Variants in TENM2 observed in about 807,000 individuals in gnomAD.
TENM2 encodes teneurin-2.
A neutral mutation model predicts 245.2 loss-of-function variants in TENM2; 52 were observed. The observed-to-expected ratio is 0.21, with a 90% CI of 0.17 to 0.27. The LOEUF (loss-of-function observed/expected upper bound fraction) is 0.27, where lower values mean the gene tolerates loss of function less well. Among genes scored for constraint, TENM2 ranks in the 10% least tolerant of loss-of-function variants. The probability of loss-of-function intolerance (pLI) is 1.00; values close to 1 mark genes in which losing one functional copy is unlikely to be tolerated. For synonymous variants in TENM2, 1,363 were observed against 1,438.9 expected (o/e 0.95, Z 1.19); for missense variants, 3,046 against 3,666.8 (o/e 0.83, Z 4.37).
intron 2 of TENM2, among the ~76,000 whole-genome samples, chr5:167,742,403 A>G (rs886130330): frequency 4.6e-5 from 7 of 151,642 alleles, no homozygotes; most frequent in Non-Finnish European, 1.0e-4. Context: ...ACAGGCTTAA[A>G]GTCAGAAAAC....
At chr5:167,886,080 C>G (rs1198103286) in intron 3 of TENM2, among the ~76,000 whole-genome samples, 2 of 152,178 alleles carry the variant, frequency 1.3e-5, no homozygotes, top group Non-Finnish European at 2.9e-5. Context: ...TGTTTGGCCA[C>G]AGTGTGCTCC....
intron 9 of TENM2, among the ~76,000 whole-genome samples, chr5:168,105,412 A>T (rs1005787907): frequency 1.3e-5 from 2 of 152,156 alleles, no homozygotes; most frequent in Non-Finnish European, 2.9e-5. Flanking sequence ...ATGTCAGTAG[A>T]TCACAGTCAG....
At chr5:167,977,504 C>T (rs1782530787) in intron 4 of TENM2, among the ~76,000 whole-genome samples, 1 of 152,016 alleles carries the variant, frequency 6.6e-6, no homozygotes, top group African/African-American at 2.4e-5. Context: ...AATATAAACC[C>T]CACTAGGCTC....
At chr5:167,772,944 C>T (rs1763499937) in intron 2 of TENM2, among the ~76,000 whole-genome samples, 1 of 152,130 alleles carries the variant, frequency 6.6e-6, no homozygotes, top group Non-Finnish European at 1.5e-5. Context: ...CCAGAAATGG[C>T]TCAACCAAAC....
intron 3 of TENM2, among the ~76,000 whole-genome samples, chr5:167,903,176 G>A (rs1775841182): frequency 6.6e-6 from 1 of 152,246 alleles, no homozygotes; most frequent in African/African-American, 2.4e-5. Context: ...CAAGAAAAGA[G>A]TAAATCTTAT....
chr5:167,664,373 C>T (rs1755437228), intron 2 of TENM2, among the ~76,000 whole-genome samples: 1 of 152,158 alleles, frequency 6.6e-6, no homozygotes, highest in South Asian at 2.1e-4. Context: ...AAACTTTTTT[C>T]AGTACAATCT....
chr5:167,710,460 A>G (rs919163381), intron 2 of TENM2, among the ~76,000 whole-genome samples: 1 of 152,220 alleles, frequency 6.6e-6, no homozygotes, highest in Non-Finnish European at 1.5e-5. Flanking sequence ...AAGTCTTCCC[A>G]GAGGAACAAG....
chr5:167,147,183 G>C, the TENM2 span, among the ~76,000 whole-genome samples: 1 of 152,108 alleles, frequency 6.6e-6, no homozygotes, highest in African/African-American at 2.4e-5. Context: ...AGATTAGATC[G>C]TATAGGGAAA....
At chr5:167,872,296 T>TAGAAAGAAAGAAAGAAAGAA (rs56684638) in intron 2 of TENM2, among the ~76,000 whole-genome samples, 5 of 104,528 alleles carry the variant, frequency 4.8e-5, no homozygotes, top group Non-Finnish European at 5.3e-5. Context: ...AAGAGAAAGA[T>TAGAAAGAAAGAAAGAAAGAA]AGAAAGAAAG....
chr5:167,260,874 C>G, the TENM2 span, among the ~76,000 whole-genome samples: 1 of 152,174 alleles, frequency 6.6e-6, no homozygotes, highest in Non-Finnish European at 1.5e-5. Flanking sequence ...AAAGACAACA[C>G]TGATAATGAC....
At chr5:167,266,006 A>G in the TENM2 span, among the ~76,000 whole-genome samples, 1 of 152,144 alleles carries the variant, frequency 6.6e-6, no homozygotes, top group Admixed American at 6.6e-5. Context: ...CATATTTTCT[A>G]CCACTTTGGA....
intron 2 of TENM2, among the ~76,000 whole-genome samples, chr5:167,383,147 T>C (rs1761192303): frequency 6.6e-6 from 1 of 152,060 alleles, no homozygotes; most frequent in South Asian, 2.1e-4. Context: ...AGGTGCTTTG[T>C]TGGGAAGAGG....
At chr5:167,455,838 G>C (rs1440931365) in intron 2 of TENM2, among the ~76,000 whole-genome samples, 1 of 152,080 alleles carries the variant, frequency 6.6e-6, no homozygotes, top group Non-Finnish European at 1.5e-5. Flanking sequence ...GCTGCTCTTA[G>C]CTGCACCTTG....
the TENM2 span, among the ~76,000 whole-genome samples, chr5:167,107,441 G>A: frequency 3.3e-5 from 5 of 152,346 alleles, no homozygotes; most frequent in South Asian, 4.1e-4. Flanking sequence ...TGGATCCTGA[G>A]TCCAGGAGAG....
At chr5:167,343,742 T>A (rs538453259) in intron 1 of TENM2, among the ~76,000 whole-genome samples, 2 of 152,338 alleles carry the variant, frequency 1.3e-5, no homozygotes, top group South Asian at 4.1e-4. Flanking sequence ...AAGATCATTA[T>A]ACATTAAATT....
At chr5:167,437,250 A>G (rs573049665) in intron 2 of TENM2, among the ~76,000 whole-genome samples, 1 of 152,272 alleles carries the variant, frequency 6.6e-6, no homozygotes, top group South Asian at 2.1e-4. Context: ...TGGATGCGAG[A>G]CTTGGAATCA....
rs569852480 is a variant in TENM2, at chr5:168,016,613, G to A, written c.1186+23431G>A. 7.2e-5 allele frequency among the ~76,000 whole-genome samples: 11 copies of A among 152,292 alleles called. No individual in the cohort carries two copies. The East Asian group carries it at 1.2e-3, about 16-fold the overall frequency. On this transcript the variant is annotated intron_variant, in intron 5 of 28. Coordinates refer to ENST00000518659, the Ensembl canonical transcript of TENM2. Reference sequence around the variant, plus strand: ...TGTGGAGCTGGCACTCAGAAACCACGTCTACTGCCTCTTGGCCTTGACCTC... The same window carrying A: ...TGTGGAGCTGGCACTCAGAAACCACATCTACTGCCTCTTGGCCTTGACCTC...
the TENM2 span, among the ~76,000 whole-genome samples, chr5:167,210,573 C>T: frequency 3.3e-4 from 50 of 151,004 alleles, 1 homozygote; most frequent in Admixed American, 3.2e-3. Flanking sequence ...ACGCCATTCT[C>T]CTGCCTCAGC....
At chr5:167,662,131 T>G (rs940057972) in intron 2 of TENM2, among the ~76,000 whole-genome samples, 2 of 152,236 alleles carry the variant, frequency 1.3e-5, no homozygotes, top group African/African-American at 4.8e-5. Context: ...AAGAAGCTGA[T>G]GCTTGGCAGA....
Sources: allele counts gnomAD v4.1 joint callset (sites outside exome capture counted in the v4.1 genomes callset), GRCh38; gene constraint gnomAD v4.1.1; transcripts MANE v1.5; gene names NCBI Gene and HGNC (gene_info 2026-07-23, HGNC 2026-07-21).